Variants in FUBP3 observed in about 807,000 individuals in gnomAD.
The protein encoded by FUBP3 is far upstream element binding protein 3.
In FUBP3, 28 loss-of-function variants were observed where a neutral mutation model predicts 85.6. The observed-to-expected ratio is 0.33, with a 90% CI of 0.24 to 0.45. The LOEUF (loss-of-function observed/expected upper bound fraction) is 0.45, where lower values mean the gene tolerates loss of function less well. FUBP3 is among the 20% of genes least tolerant of loss of function. The pLI is 1.00. For missense variants in FUBP3, 583 were observed against 755.1 expected, an observed-to-expected ratio of 0.77 and a Z score of 2.67; for synonymous variants, 271 against 271.4, an observed-to-expected ratio of 1.00 and a Z score of 0.01.
At chr9:130,632,415 G>T in intron 16 of FUBP3, 137 bp downstream of exon 16, 1 of 683,258 alleles carries the variant, frequency 1.5e-6, no homozygotes, top group Non-Finnish European at 2.5e-6. Context: ...AGCCCTCTGG[G>T]TGGGGCTTGG....
intron 1 of FUBP3, among the ~76,000 whole-genome samples, chr9:130,588,331 A>G (rs917998464): frequency 2.0e-5 from 3 of 152,178 alleles, no homozygotes; most frequent in South Asian, 2.1e-4. Flanking sequence ...TTTTAAAAAC[A>G]ATATTGTTAG....
At chr9:130,594,458 C>T (rs993980887) in intron 1 of FUBP3, among the ~76,000 whole-genome samples, 3 of 151,910 alleles carry the variant, frequency 2.0e-5, no homozygotes, top group African/African-American at 7.3e-5. Flanking sequence ...TGGTGCATGC[C>T]TGTAATCCCA....
At chr9:130,628,104 G>GCACACACACACACA (rs71499253) in intron 12 of FUBP3, among the ~76,000 whole-genome samples, 1 of 148,950 alleles carries the variant, frequency 6.7e-6, no homozygotes, top group African/African-American at 2.5e-5. Flanking sequence ...GCACGCACGC[G>GCACACACACACACA]CACACACACA....
Position 130,623,267 on chromosome 9 carries a change from A to G in FUBP3, c.875-344A>G, listed in dbSNP as rs112091299. Among the ~76,000 whole-genome samples the G allele has an allele frequency of 7.9e-4, 121 of 152,340 alleles. 1 individual carries two copies. Among genetic ancestry groups the G allele is most frequent in the African/African-American group, 2.9e-3 (121 of 41,574 alleles). On this transcript the variant is annotated intron_variant, in intron 10 of 18. Coordinates refer to ENST00000319725, the MANE Select transcript of FUBP3 (RefSeq NM_003934.2). The stretch of plus-strand genomic sequence containing the variant: ...GCAAAATTTTCGACGTGGTCTGAAA[A>G]GAGGAAAACATGGCAGGCTCTTCTC...
chr9:130,587,859 T>C (rs1482756605), intron 1 of FUBP3, among the ~76,000 whole-genome samples: 1 of 152,164 alleles, frequency 6.6e-6, no homozygotes, highest in Non-Finnish European at 1.5e-5. Flanking sequence ...GGTGAGAGTA[T>C]GCTATTTAGA....
At chr9:130,593,673 A>G (rs1184098601) in intron 1 of FUBP3, among the ~76,000 whole-genome samples, 1 of 152,036 alleles carries the variant, frequency 6.6e-6, no homozygotes, top group African/African-American at 2.4e-5. Context: ...TAGGTGTGAG[A>G]CTTCTGGGAA....
At chr9:130,625,150 A>T (rs1437525144) in intron 11 of FUBP3, among the ~76,000 whole-genome samples, 2 of 152,238 alleles carry the variant, frequency 1.3e-5, no homozygotes, top group East Asian at 1.9e-4. Context: ...CGGAGGTTGC[A>T]GTGAGCCAGG....
At chr9:130,614,376 CTCT>C (rs1250593250) in intron 6 of FUBP3, 31 bp downstream of exon 6, 14 of 1,358,550 alleles carry the variant, frequency 1.0e-5, no homozygotes, top group African/African-American at 1.4e-5. Flanking sequence ...TTTTCTTTCA[CTCT>C]TCTTCCTCCT....
intron 11 of FUBP3, among the ~76,000 whole-genome samples, chr9:130,625,633 T>C (rs550971056): frequency 6.6e-6 from 1 of 152,340 alleles, no homozygotes; most frequent in South Asian, 2.1e-4. Context: ...CTTGCTGCTG[T>C]CTCAATGAAA....
At chr9:130,615,183 A>G (rs1391329137) in intron 6 of FUBP3, among the ~76,000 whole-genome samples, 1 of 152,200 alleles carries the variant, frequency 6.6e-6, no homozygotes, top group Non-Finnish European at 1.5e-5. Context: ...TTACAGGGCA[A>G]CTGGATGGTT....
chr9:130,625,682 T>C (rs1226388575), intron 11 of FUBP3, among the ~76,000 whole-genome samples: 1 of 152,216 alleles, frequency 6.6e-6, no homozygotes, highest in Admixed American at 6.5e-5. Context: ...TAGGTTTTTC[T>C]CTCTGCTGGG....
chr9:130,623,735 G>A (rs752840523), intron 11 of FUBP3, 24 bp downstream of exon 11: 1 of 1,511,350 alleles, frequency 6.6e-7, no homozygotes, highest in Non-Finnish European at 9.2e-7. Flanking sequence ...TGCAGAGTGT[G>A]AGTGTTTGGG....
chr9:130,603,888 G>A (rs1588133192), intron 2 of FUBP3, among the ~76,000 whole-genome samples: 1 of 152,156 alleles, frequency 6.6e-6, no homozygotes, highest in East Asian at 1.9e-4. Flanking sequence ...GTCCACAACT[G>A]CACTGTTGGG....
intron 16 of FUBP3, among the ~76,000 whole-genome samples, chr9:130,633,764 G>A (rs188530538): frequency 1.1e-3 from 170 of 152,318 alleles, no homozygotes; most frequent in African/African-American, 4.0e-3. Flanking sequence ...GAAGCGGGGC[G>A]TCTCCTTCCC....
Position 130,635,501 on chromosome 9 carries a change from C to G in FUBP3, c.1583-498C>G, listed in dbSNP as rs1404425020. On this transcript the variant is annotated intron_variant, in intron 17 of 18. Transcript: ENST00000319725. This position sits in a 1 kb window ranked among gnomAD's most constrained non-coding sequence, Gnocchi z 4.3. ...CATCATCGCCAGGTTCATGGCCCTT[C>G]TAGGGGTTGGAGGTGGGGGTGTTGA... Among the ~76,000 whole-genome samples the G allele has an allele frequency of 1.3e-5, 2 of 152,160 alleles. No individual in the cohort carries two copies. Among genetic ancestry groups the G allele is most frequent in the Non-Finnish European group, 2.9e-5 (2 of 68,012 alleles).
At chr9:130,603,367 A>C (rs1831262406) in intron 2 of FUBP3, among the ~76,000 whole-genome samples, 1 of 147,730 alleles carries the variant, frequency 6.8e-6, no homozygotes, top group African/African-American at 2.5e-5. Context: ...AAAAAAAAAA[A>C]ACAAATAGTG....
intron 9 of FUBP3, among the ~76,000 whole-genome samples, chr9:130,620,840 G>A (rs1435917696): frequency 6.6e-6 from 1 of 152,202 alleles, no homozygotes; most frequent in African/African-American, 2.4e-5. Context: ...AAATTTTGTT[G>A]TATGCGACAA....
chr9:130,622,630 C>CAAAA lies in FUBP3; in HGVS notation c.772-66_772-63dup, dbSNP rs35428077. Reference sequence around the variant, plus strand: ...TGGGCAACAGAGCGAGACTCAGTCTCAAAAAAAAAAAAAAAGTGCCCTTTA... The same window carrying CAAAA: ...TGGGCAACAGAGCGAGACTCAGTCTCAAAAAAAAAAAAAAAAAAAGTGCCCTTTA... On this transcript the variant is annotated intron_variant, in intron 9 of 18. Transcript: ENST00000319725. The CAAAA allele has an allele frequency of 6.8e-3, 3,462 of 507,016 alleles. 5 individuals carry two copies. The highest frequency in any genetic ancestry group is 7.6e-3 in the Non-Finnish European group (2,231 of 292,554). The allele number at this position is 507,016 out of a possible 1,614,324, so 31.4% of individuals were successfully genotyped here. A position where few individuals can be genotyped will look rare whatever the true frequency, so the allele number is the denominator to read the frequency against.
chr9:130,588,080 G>T (rs1830430740), intron 1 of FUBP3, among the ~76,000 whole-genome samples: 1 of 152,150 alleles, frequency 6.6e-6, no homozygotes, highest in South Asian at 2.1e-4. Context: ...CATTCATCGA[G>T]CCCATGTTGT....
Sources: allele counts gnomAD v4.1 joint callset (sites outside exome capture counted in the v4.1 genomes callset), GRCh38; gene constraint gnomAD v4.1.1; non-coding constraint Gnocchi (gnomAD v3.1); transcripts MANE v1.5; gene names NCBI Gene and HGNC (gene_info 2026-07-23, HGNC 2026-07-21).